KAZN: variants seen among roughly 807,000 people sequenced by gnomAD.
KAZN encodes kazrin, periplakin interacting protein.
Under a neutral mutation model 87.4 loss-of-function variants are expected in KAZN, and 40 were observed. The observed-to-expected ratio is 0.46, with a 90% CI of 0.36 to 0.60. KAZN has a LOEUF of 0.60. Ranked by LOEUF, KAZN falls within the 20% of genes least tolerant of loss-of-function variation. The pLI, the probability that KAZN is intolerant of heterozygous loss-of-function variation, is 0.00. For missense variants in KAZN, 898 were observed against 1,073.9 expected, an observed-to-expected ratio of 0.84 and a Z score of 2.29; for synonymous variants, 466 against 458.3, an observed-to-expected ratio of 1.02 and a Z score of -0.22.
At chr1:14,586,704 T>A (rs1374511365) in intron 2 of KAZN, among the ~76,000 whole-genome samples, 2 of 19,118 alleles carry the variant, frequency 1.0e-4, no homozygotes, top group Non-Finnish European at 1.9e-4. Flanking sequence ...CCCAGATATG[T>A]TTTTTTTTTA....
chr1:14,973,548 G>A (rs1260492221), intron 2 of KAZN, among the ~76,000 whole-genome samples: 1 of 152,098 alleles, frequency 6.6e-6, no homozygotes, highest in Non-Finnish European at 1.5e-5. Context: ...TTTTTAGATA[G>A]GGTGGGCATG....
chr1:14,130,108 A>G (rs943388797), intron 1 of KAZN, among the ~76,000 whole-genome samples: 2 of 152,370 alleles, frequency 1.3e-5, no homozygotes, highest in Non-Finnish European at 2.9e-5. Context: ...TCTGCTGACC[A>G]TAAGTGAATT....
At chr1:14,458,362 T>C (rs1246221632) in intron 2 of KAZN, among the ~76,000 whole-genome samples, 1 of 152,242 alleles carries the variant, frequency 6.6e-6, no homozygotes, top group Non-Finnish European at 1.5e-5. Flanking sequence ...TTGATTATCA[T>C]GGTCTTTCTA....
intron 1 of KAZN, among the ~76,000 whole-genome samples, chr1:14,615,168 C>G (rs1033393099): frequency 6.6e-6 from 1 of 152,220 alleles, no homozygotes; most frequent in Non-Finnish European, 1.5e-5. Flanking sequence ...ATGAAGCACT[C>G]TATGATTGAC....
chr1:14,510,204 C>G (rs1029747752), intron 2 of KAZN, among the ~76,000 whole-genome samples: 2 of 152,106 alleles, frequency 1.3e-5, no homozygotes, highest in Admixed American at 1.3e-4. Flanking sequence ...CATGGAGAAA[C>G]TCTGTCTCTA....
intron 1 of KAZN, among the ~76,000 whole-genome samples, chr1:13,979,823 C>T (rs1180962303): frequency 1.1e-4 from 16 of 149,908 alleles, no homozygotes; most frequent in South Asian, 2.1e-4. Context: ...CCCAGCTACT[C>T]GGGAGGCTGA....
In KAZN at chr1:15,077,280, C is replaced by G. The variant is rs1639802661; in HGVS notation, c.1222+11527C>G. Among the ~76,000 whole-genome samples the G allele has an allele frequency of 6.6e-6, 1 of 152,208 alleles. No individual in the cohort carries two copies. The highest frequency in any genetic ancestry group is 2.1e-4 in the South Asian group (1 of 4,828). On this transcript the variant is annotated intron_variant, in intron 8 of 14. Coordinates refer to ENST00000376030, the MANE Select transcript of KAZN (RefSeq NM_201628.3). This position sits in a 1 kb window ranked among gnomAD's most constrained non-coding sequence, Gnocchi z 4.8. ...TCTCTGTGGACACCTCGTGCTCTGA[C>G]AGTCCCTGGTCTTCCCCTGCGTGTG... is the stretch of plus-strand genomic sequence containing the variant.
chr1:14,334,920 G>A (rs1557646248), intron 2 of KAZN, among the ~76,000 whole-genome samples: 1 of 151,588 alleles, frequency 6.6e-6, no homozygotes, highest in African/African-American at 2.4e-5. Flanking sequence ...GAAATAGAGA[G>A]GAAGACACAG....
At chr1:14,736,243 T>C (rs2100397990) in intron 1 of KAZN, among the ~76,000 whole-genome samples, 1 of 144,414 alleles carries the variant, frequency 6.9e-6, no homozygotes, top group Admixed American at 6.8e-5. Context: ...GGGGCTCATG[T>C]GGGACTCAAG....
chr1:14,133,004 G>A (rs1225476413), intron 1 of KAZN, among the ~76,000 whole-genome samples: 1 of 152,130 alleles, frequency 6.6e-6, no homozygotes, highest in African/African-American at 2.4e-5. Flanking sequence ...GTTAACCCTC[G>A]GGTTAAGAAA....
chr1:14,477,368 T>C (rs1668798776), intron 2 of KAZN, among the ~76,000 whole-genome samples: 1 of 151,880 alleles, frequency 6.6e-6, no homozygotes, highest in African/African-American at 2.4e-5. Flanking sequence ...CAGCTTCGGG[T>C]ACGTCTTTAT....
At chr1:14,497,890 A>T (rs1670034510) in intron 2 of KAZN, among the ~76,000 whole-genome samples, 1 of 152,190 alleles carries the variant, frequency 6.6e-6, no homozygotes, top group Admixed American at 6.5e-5. Flanking sequence ...AAAACCCATC[A>T]TTAGAAAGAA....
At chr1:14,638,303 T>C (rs1680151375) in intron 1 of KAZN, among the ~76,000 whole-genome samples, 1 of 152,150 alleles carries the variant, frequency 6.6e-6, no homozygotes, top group African/African-American at 2.4e-5. Flanking sequence ...GCGTGGTGAC[T>C]CTTGCCTGTA....
rs1421710620 is a variant in KAZN, at chr1:14,599,086, T to C, written c.89T>C (p.Leu30Pro). ...SQEVTNLRAE[L>P]TATNRRLAEL... ...GAGGTGACCAACCTGCGAGCCGAAC[T>C]CACGGCCACCAACCGGAGACTGGCG... Residue 30 changes from leucine to proline, a missense_variant, in exon 1 of 15, where the codon CTC (leucine) becomes CCC (proline). Coordinates refer to ENST00000376030, the MANE Select transcript of KAZN (RefSeq NM_201628.3). This position sits in a 1 kb window ranked among gnomAD's most constrained non-coding sequence, Gnocchi z 4.4. 3.8e-6 allele frequency: 6 copies of C among 1,560,180 alleles called. No individual in the cohort carries two copies. The highest frequency in any genetic ancestry group is 5.2e-6 in the Non-Finnish European group (6 of 1,157,862).
chr1:14,214,834 C>T (rs922092201), intron 2 of KAZN, among the ~76,000 whole-genome samples: 6 of 152,092 alleles, frequency 3.9e-5, no homozygotes, highest in African/African-American at 1.4e-4. Context: ...TGCATTGTGC[C>T]CAAGGCCGTG....
intron 2 of KAZN, among the ~76,000 whole-genome samples, chr1:14,422,318 C>T (rs113625407): frequency 0.022 from 3,334 of 152,254 alleles, 52 homozygotes; most frequent in Middle Eastern, 0.037. Context: ...AGCAGCATGA[C>T]GACATAGATT....
intron 1 of KAZN, among the ~76,000 whole-genome samples, chr1:14,018,013 C>G (rs1328041300): frequency 1.3e-5 from 2 of 152,182 alleles, no homozygotes; most frequent in East Asian, 1.9e-4. Flanking sequence ...TGAATGAACT[C>G]ATTTAAGCCT....
At chr1:14,234,830 G>A (rs931893522) in intron 2 of KAZN, among the ~76,000 whole-genome samples, 1 of 152,246 alleles carries the variant, frequency 6.6e-6, no homozygotes, top group African/African-American at 2.4e-5. Flanking sequence ...GTTGGCATAT[G>A]TAGTAAGAAC....
intron 1 of KAZN, among the ~76,000 whole-genome samples, chr1:14,644,388 G>A (rs994613830): frequency 2.7e-5 from 4 of 147,838 alleles, no homozygotes; most frequent in Admixed American, 2.0e-4. Context: ...TTGAGACTGA[G>A]TCTCGCTCTG....
Sources: allele counts gnomAD v4.1 joint callset (sites outside exome capture counted in the v4.1 genomes callset), GRCh38; gene constraint gnomAD v4.1.1; non-coding constraint Gnocchi (gnomAD v3.1); transcripts MANE v1.5; gene names NCBI Gene and HGNC (gene_info 2026-07-23, HGNC 2026-07-21).